Variants in ZNF536 observed in about 807,000 individuals in gnomAD.
The protein encoded by ZNF536 is zinc finger protein 536.
ZNF536 carries 13 observed loss-of-function variants against 84.5 expected under a neutral mutation model. The ratio of observed to expected loss-of-function variants is 0.15; its 90% CI spans 0.10 to 0.24. The LOEUF (loss-of-function observed/expected upper bound fraction) is 0.24. Ranked by LOEUF, ZNF536 falls within the 10% of genes least tolerant of loss-of-function variation. The pLI is 1.00. For missense variants in ZNF536, 1,536 were observed against 1,747.5 expected (o/e 0.88, Z 2.16); for synonymous variants, 811 against 742.5 (o/e 1.09, Z -1.50).
At chr19:30,238,457 AC>A (rs2023701595) in intron 1 of ZNF536, among the ~76,000 whole-genome samples, 1 of 141,060 alleles carries the variant, frequency 7.1e-6, no homozygotes, top group African/African-American at 2.7e-5. Flanking sequence ...ACACACACAC[AC>A]AATCACACAT....
intron 1 of ZNF536, among the ~76,000 whole-genome samples, chr19:30,245,454 TA>T (rs2024203962): frequency 6.6e-6 from 1 of 152,220 alleles, no homozygotes; most frequent in Non-Finnish European, 1.5e-5. Context: ...AGTCCATTAA[TA>T]AATATGTTTT....
intron 2 of ZNF536, among the ~76,000 whole-genome samples, chr19:30,482,121 A>G (rs2054114764): frequency 6.6e-6 from 1 of 152,064 alleles, no homozygotes; most frequent in Admixed American, 6.5e-5. Flanking sequence ...GCTGCTATAA[A>G]TGTGTGTGAA....
upstream of ZNF536, among the ~76,000 whole-genome samples, chr19:30,225,807 G>GC (rs960141762): frequency 6.0e-5 from 9 of 150,754 alleles, no homozygotes; most frequent in African/African-American, 1.5e-4. Flanking sequence ...TCTTGGCGCG[G>GC]CCCCCCCGTC....
At chr19:30,648,378 A>G (rs1474703504) in intron 1 of ZNF536, among the ~76,000 whole-genome samples, 1 of 152,154 alleles carries the variant, frequency 6.6e-6, no homozygotes, top group Non-Finnish European at 1.5e-5. Flanking sequence ...ATTCTACACC[A>G]AATCAAAAGG....
intron 2 of ZNF536, among the ~76,000 whole-genome samples, chr19:30,453,599 C>G (rs867827254): frequency 6.6e-6 from 1 of 152,142 alleles, no homozygotes; most frequent in South Asian, 2.1e-4. Context: ...TAGAACTCAG[C>G]GGCTCAGCTT....
intron 2 of ZNF536, among the ~76,000 whole-genome samples, chr19:30,349,495 C>T (rs896149778): frequency 7.9e-5 from 12 of 152,226 alleles, no homozygotes; most frequent in African/African-American, 2.9e-4. Context: ...CTCAGGTGTC[C>T]TGTTTCACCT....
chr19:30,556,897 C>T (rs2045985066), intron 4 of ZNF536: 2 of 392,660 alleles, frequency 5.1e-6, no homozygotes, highest in Non-Finnish European at 8.9e-6. Context: ...GTGTGCAAAG[C>T]CCAGGGTTCA....
chr19:30,537,984 G>A (rs979938065), intron 3 of ZNF536, among the ~76,000 whole-genome samples: 13 of 152,168 alleles, frequency 8.5e-5, no homozygotes, highest in Non-Finnish European at 1.6e-4. Context: ...TTGTGCATTT[G>A]AATAGAACAG....
chr19:30,264,930 CGTGTGTGTGTGTGT>C (rs71333450), intron 1 of ZNF536, among the ~76,000 whole-genome samples: 16 of 135,720 alleles, frequency 1.2e-4, no homozygotes, highest in Non-Finnish European at 2.2e-4. Flanking sequence ...TGTCAATAGT[CGTGTGTGTGTGTGT>C]GTGTGTGTGT....
chr19:30,448,239 T>C (rs948788262), intron 2 of ZNF536, among the ~76,000 whole-genome samples: 11 of 152,368 alleles, frequency 7.2e-5, no homozygotes, highest in Admixed American at 2.0e-4. Flanking sequence ...GGCATACCAA[T>C]ATACAACCCG....
At chr19:30,655,966 G>T (rs1234145768) in intron 1 of ZNF536, among the ~76,000 whole-genome samples, 1 of 152,102 alleles carries the variant, frequency 6.6e-6, no homozygotes, top group East Asian at 1.9e-4. Flanking sequence ...TTGAGCCCAG[G>T]AGTTTGAGGC....
intron 2 of ZNF536, among the ~76,000 whole-genome samples, chr19:30,350,335 G>T (rs1255980627): frequency 1.3e-5 from 2 of 152,284 alleles, no homozygotes; most frequent in African/African-American, 4.8e-5. Context: ...AACTTTCAGG[G>T]GGAATGAGCA....
chr19:30,511,189 C>G, intron 2 of ZNF536, among the ~76,000 whole-genome samples: 1 of 152,232 alleles, frequency 6.6e-6, no homozygotes, highest in South Asian at 2.1e-4. Context: ...TCCTTCCTTC[C>G]CCCACCAGAC....
chr19:30,615,951 ATC>A (rs776144547), intron 1 of ZNF536, among the ~76,000 whole-genome samples: 2 of 152,012 alleles, frequency 1.3e-5, no homozygotes, highest in Non-Finnish European at 2.9e-5. Flanking sequence ...TGTAAATCAA[ATC>A]TTTTTCTCGA....
At chr19:30,306,996 A>T (rs530654336) in intron 2 of ZNF536, among the ~76,000 whole-genome samples, 4 of 152,034 alleles carry the variant, frequency 2.6e-5, no homozygotes, top group Admixed American at 2.6e-4. Context: ...TTATATTTTT[A>T]TATATATATA....
chr19:30,394,180 A>C (rs184582457), intron 1 of ZNF536, among the ~76,000 whole-genome samples: 2 of 152,252 alleles, frequency 1.3e-5, no homozygotes, highest in Admixed American at 1.3e-4. Context: ...ATGGTTCCTT[A>C]ATTGGTGGTC....
At chr19:30,712,218 A>C (rs1242573408) in exon 2 of ZNF536, 1 of 152,176 alleles carries the variant, frequency 6.6e-6, no homozygotes, top group African/African-American at 2.4e-5. Flanking sequence ...ACACAGAAGG[A>C]GATTTTGAGT....
At chr19:30,673,916 T>C (rs1345814389) in intron 1 of ZNF536, among the ~76,000 whole-genome samples, 4 of 152,242 alleles carry the variant, frequency 2.6e-5, no homozygotes, top group Non-Finnish European at 5.9e-5. Context: ...TTTTAATCAA[T>C]ACACATTCCA....
chr19:30,388,774 T>C (rs562350743), intron 1 of ZNF536, among the ~76,000 whole-genome samples: 12 of 152,216 alleles, frequency 7.9e-5, no homozygotes, highest in Non-Finnish European at 1.8e-4. Flanking sequence ...ATTCCTTCTT[T>C]CTTGGTTAAT....
Sources: allele counts gnomAD v4.1 joint callset (sites outside exome capture counted in the v4.1 genomes callset), GRCh38; gene constraint gnomAD v4.1.1; transcripts MANE v1.5; gene names NCBI Gene and HGNC (gene_info 2026-07-23, HGNC 2026-07-21).